BLNK: variants seen among roughly 807,000 people sequenced by gnomAD.
BLNK encodes the protein B cell linker.
BLNK carries 29 observed loss-of-function variants against 73.5 expected under a neutral mutation model. The ratio of observed to expected loss-of-function variants is 0.39; its 90% confidence interval spans 0.29 to 0.54. The LOEUF (loss-of-function observed/expected upper bound fraction) is 0.54, where lower values mean the gene tolerates loss of function less well. Ranked by LOEUF, BLNK falls within the 20% of genes least tolerant of loss-of-function variation. The pLI, the probability that BLNK is intolerant of heterozygous loss-of-function variation, is 0.61. For synonymous variants in BLNK, 176 were observed against 200.8 expected (o/e 0.88, Z 1.04); for missense variants, 460 against 562.8 (o/e 0.82, Z 1.85).
At chr10:96,248,867 C>T (rs1843162616) in intron 1 of BLNK, among the ~76,000 whole-genome samples, 1 of 152,152 alleles carries the variant, frequency 6.6e-6, no homozygotes, top group South Asian at 2.1e-4. Context: ...GGGATTATTA[C>T]TTTATGATGT....
intron 3 of BLNK, among the ~76,000 whole-genome samples, chr10:96,233,206 T>C (rs1554904394): frequency 1.3e-5 from 2 of 152,162 alleles, no homozygotes; most frequent in Non-Finnish European, 2.9e-5. Flanking sequence ...CCTTATAAAA[T>C]GCCTTTATGA....
In BLNK at chr10:96,227,622, G is replaced by T. The variant is rs34233512; in HGVS notation, c.205-56C>A. 13 of 1,610,288 alleles carry T rather than the reference G, an allele frequency of 8.1e-6. No homozygotes were observed. The African/African-American group carries it at 9.3e-5, about 12-fold the overall frequency. On this transcript the variant is annotated intron_variant, in intron 4 of 16. Coordinates refer to ENST00000224337, the MANE Select transcript of BLNK (RefSeq NM_013314.4). ...GCATCCCCGTCTGTGCTGCCTGGCC[G>T]TCAGGACCATTCCTGCCTTGGGAGG...
chr10:96,253,175 T>C (rs781877940), intron 1 of BLNK, among the ~76,000 whole-genome samples: 8 of 152,246 alleles, frequency 5.3e-5, no homozygotes, highest in Non-Finnish European at 8.8e-5. Context: ...TTTTGAAATC[T>C]GTGTGTTCCA....
At chr10:96,262,197 G>T (rs529601492) in intron 1 of BLNK, among the ~76,000 whole-genome samples, 4 of 152,156 alleles carry the variant, frequency 2.6e-5, no homozygotes, top group African/African-American at 9.7e-5. Flanking sequence ...TGAGTCCTGC[G>T]TGGGTGCTAG....
intron 1 of BLNK, among the ~76,000 whole-genome samples, chr10:96,260,499 T>C (rs976449819): frequency 5.9e-5 from 9 of 152,232 alleles, no homozygotes; most frequent in Non-Finnish European, 1.0e-4. Context: ...CTTAAGAATT[T>C]GAATATGTTC....
At chr10:96,260,870 G>C (rs1232459624) in intron 1 of BLNK, among the ~76,000 whole-genome samples, 1 of 150,910 alleles carries the variant, frequency 6.6e-6, no homozygotes, top group Non-Finnish European at 1.5e-5. Flanking sequence ...TTGAGACAGG[G>C]TCTCACTCTG....
intron 15 of BLNK, among the ~76,000 whole-genome samples, chr10:96,198,404 G>A (rs1228282410): frequency 1.3e-5 from 2 of 152,166 alleles, no homozygotes; most frequent in Non-Finnish European, 1.5e-5. Context: ...TTAAATCTAC[G>A]TATTGAAAGG....
chr10:96,196,108 G>A (rs2083458592), intron 16 of BLNK, among the ~76,000 whole-genome samples: 1 of 152,172 alleles, frequency 6.6e-6, no homozygotes, highest in South Asian at 2.1e-4. Flanking sequence ...TTTTTCTGAA[G>A]GAATCTTGAA....
chr10:96,267,292 G>A (rs1844046920), intron 1 of BLNK, among the ~76,000 whole-genome samples: 1 of 152,108 alleles, frequency 6.6e-6, no homozygotes, highest in South Asian at 2.1e-4. Context: ...GGAAGAAAAG[G>A]AAAGAAAAGC....
At chr10:96,203,136 T>C (rs1554896638) in intron 13 of BLNK, among the ~76,000 whole-genome samples, 2 of 152,256 alleles carry the variant, frequency 1.3e-5, no homozygotes, top group Admixed American at 6.5e-5. Flanking sequence ...TTGTATCTCC[T>C]GTGCCTAGAA....
intron 15 of BLNK, among the ~76,000 whole-genome samples, chr10:96,197,977 A>G (rs2083518594): frequency 6.6e-6 from 1 of 151,526 alleles, no homozygotes; most frequent in Admixed American, 6.6e-5. Context: ...CAGTAATTCA[A>G]ATTTTATTAA....
chr10:96,189,841 A>G lies in BLNK; in HGVS notation c.*2132T>C. On this transcript the variant is annotated 3_prime_UTR_variant, in exon 17 of 17. Transcript: ENST00000224337. Reference sequence around the variant, plus strand: ...AGAGTTTCACATCCTCCTCCTCTTCATCTTCTGACTCTGCATCTTCCTCCA... The same window carrying G: ...AGAGTTTCACATCCTCCTCCTCTTCGTCTTCTGACTCTGCATCTTCCTCCA... 1 of 1,210,578 alleles carries G rather than the reference A, an allele frequency of 8.3e-7. No individual in the cohort carries two copies. The allele number at this position is 1,210,578 out of a possible 1,614,324, so 75.0% of individuals were successfully genotyped here. A position where few individuals can be genotyped will look rare whatever the true frequency, so the allele number is the denominator to read the frequency against.
intron 4 of BLNK, among the ~76,000 whole-genome samples, chr10:96,228,345 C>T (rs1223478564): frequency 1.3e-5 from 2 of 152,162 alleles, no homozygotes; most frequent in African/African-American, 4.8e-5. Flanking sequence ...GCAACCTCTA[C>T]TTCCTGGGTT....
chr10:96,198,546 A>G (rs587623792), intron 15 of BLNK, among the ~76,000 whole-genome samples: 1 of 152,394 alleles, frequency 6.6e-6, no homozygotes, highest in South Asian at 2.1e-4. Flanking sequence ...TAGAAGGGCA[A>G]GAAAGTCACA....
chr10:96,255,673 T>A (rs1843477824), intron 1 of BLNK, among the ~76,000 whole-genome samples: 1 of 152,144 alleles, frequency 6.6e-6, no homozygotes, highest in Non-Finnish European at 1.5e-5. Flanking sequence ...TAACCTCAGG[T>A]CCAGTTCTTG....
At chr10:96,193,487 G>C (rs879949414) in intron 16 of BLNK, among the ~76,000 whole-genome samples, 5 of 152,218 alleles carry the variant, frequency 3.3e-5, no homozygotes, top group Non-Finnish European at 1.5e-5. Context: ...GGTGTTCGGG[G>C]ATTGAAGTGT....
At chr10:96,261,895 C>G (rs1843772686) in intron 1 of BLNK, among the ~76,000 whole-genome samples, 1 of 151,948 alleles carries the variant, frequency 6.6e-6, no homozygotes, top group Admixed American at 6.6e-5. Flanking sequence ...TACTTTGAAC[C>G]AAGTAAGATT....
chr10:96,202,413 C>T (rs1554896449), intron 13 of BLNK, among the ~76,000 whole-genome samples: 1 of 152,062 alleles, frequency 6.6e-6, no homozygotes, highest in Non-Finnish European at 1.5e-5. Flanking sequence ...GATTCTGGAT[C>T]TATTTTGAAG....
chr10:96,225,705 C>T (rs1309741239), intron 5 of BLNK, among the ~76,000 whole-genome samples: 2 of 148,778 alleles, frequency 1.3e-5, no homozygotes, highest in African/African-American at 5.0e-5. Flanking sequence ...TGCAGTGGTG[C>T]GATCTTGGCT....
Sources: gnomAD v4.1 joint callset for allele counts (sites outside exome capture counted in the v4.1 genomes callset) on GRCh38, gnomAD v4.1.1 for gene constraint, MANE v1.5 for transcripts, NCBI Gene and HGNC (gene_info 2026-07-23, HGNC 2026-07-21) for gene names.